BAIAP2L1: variants seen among roughly 807,000 people sequenced by gnomAD.
The protein encoded by BAIAP2L1 is BAR/IMD domain-containing adapter protein 2-like 1.
BAIAP2L1 carries 35 observed loss-of-function variants against 66.3 expected under a neutral mutation model. The observed-to-expected ratio is 0.53, with a 90% CI of 0.40 to 0.70. The LOEUF (loss-of-function observed/expected upper bound fraction) is 0.70. Ranked by LOEUF, BAIAP2L1 falls within the 30% of genes least tolerant of loss-of-function variation. BAIAP2L1 has a pLI of 0.00. For missense variants in BAIAP2L1, 622 were observed against 656.9 expected (o/e 0.95, Z 0.58); for synonymous variants, 269 against 248.7 (o/e 1.08, Z -0.77).
At chr7:98,395,599 T>C (rs988634621) in intron 1 of BAIAP2L1, among the ~76,000 whole-genome samples, 3 of 152,154 alleles carry the variant, frequency 2.0e-5, no homozygotes, top group African/African-American at 7.2e-5. Flanking sequence ...GAGCTATGTA[T>C]ACTTAAGCAC....
intron 1 of BAIAP2L1, among the ~76,000 whole-genome samples, chr7:98,382,560 G>A (rs949502573): frequency 6.6e-6 from 1 of 152,176 alleles, no homozygotes; most frequent in African/African-American, 2.4e-5. Context: ...ATTTGCCTAT[G>A]AATGGAATGG....
chr7:98,359,955 C>T (rs1053420031), intron 2 of BAIAP2L1, among the ~76,000 whole-genome samples: 37 of 150,036 alleles, frequency 2.5e-4, no homozygotes, highest in Non-Finnish European at 1.5e-4. Context: ...CCGAGTCTCA[C>T]TCTGTTGCCC....
intron 1 of BAIAP2L1, among the ~76,000 whole-genome samples, chr7:98,398,197 G>C (rs1459266521): frequency 6.6e-6 from 1 of 152,052 alleles, no homozygotes; most frequent in Non-Finnish European, 1.5e-5. Flanking sequence ...TAGATGGTTA[G>C]GTAATATAGA....
At chr7:98,398,419 T>A (rs1176417925) in intron 1 of BAIAP2L1, among the ~76,000 whole-genome samples, 2 of 151,950 alleles carry the variant, frequency 1.3e-5, no homozygotes, top group Non-Finnish European at 1.5e-5. Flanking sequence ...CTTCACTATT[T>A]CATAGATTAC....
chr7:98,383,506 C>T (rs1313617028), intron 1 of BAIAP2L1, among the ~76,000 whole-genome samples: 3 of 151,806 alleles, frequency 2.0e-5, no homozygotes, highest in South Asian at 2.1e-4. Context: ...AGGCTGGTCT[C>T]GAACTCCAGA....
intron 3 of BAIAP2L1, among the ~76,000 whole-genome samples, chr7:98,347,729 C>T (rs897795541): frequency 2.0e-5 from 3 of 151,766 alleles, no homozygotes; most frequent in East Asian, 1.9e-4. Flanking sequence ...GAGCCAAGAT[C>T]GCGCCACTGC....
At chr7:98,364,175 A>G (rs1193304342) in intron 1 of BAIAP2L1, among the ~76,000 whole-genome samples, 3 of 152,126 alleles carry the variant, frequency 2.0e-5, no homozygotes, top group Non-Finnish European at 2.9e-5. Flanking sequence ...AACTATAGTC[A>G]GTGTTCATTA....
chr7:98,386,312 A>G, intron 1 of BAIAP2L1: 1 of 1,596,260 alleles, frequency 6.3e-7, no homozygotes, highest in Non-Finnish European at 8.5e-7. Flanking sequence ...TTTTACCCTG[A>G]ACATCTTCAG....
At position 98,400,765 on chromosome 7, in the gene BAIAP2L1, A is replaced by G. The variant is rs1374309693; in HGVS notation, c.51+37T>C. 10 of 1,547,546 alleles carry G rather than the reference A, an allele frequency of 6.5e-6. No homozygotes were observed. In the South Asian group the frequency reaches 1.1e-4, roughly 17 times the overall value. On this transcript the variant is annotated intron_variant, in intron 1 of 13. Coordinates refer to ENST00000005260, the MANE Select transcript of BAIAP2L1 (RefSeq NM_018842.5). ...TCCCCTTCTGAACCCCGAGGTGGAAAGCCCTGACCTCCCTGAGCCCCGGGC... is the reference window on the plus strand; with the variant it reads ...TCCCCTTCTGAACCCCGAGGTGGAAGGCCCTGACCTCCCTGAGCCCCGGGC...
chr7:98,293,925 G>T lies in BAIAP2L1; in HGVS notation c.1460+149C>A, dbSNP rs565555378. 172 of 923,946 alleles carry T rather than the reference G, an allele frequency of 1.9e-4. No homozygotes were observed. The East Asian group carries it at 4.0e-3, about 22-fold the overall frequency. 57.2% of individuals were successfully genotyped at this position (923,946 alleles called of 1,614,324 possible). ...CGTGGTCTAAAGTAGTTGGTAAAGCGAGCAGGGGGCTGCACTCCCCCATGG... is the reference window on the plus strand; with the variant it reads ...CGTGGTCTAAAGTAGTTGGTAAAGCTAGCAGGGGGCTGCACTCCCCCATGG... On this transcript the variant is annotated intron_variant, in intron 13 of 13. Coordinates refer to ENST00000005260, the MANE Select transcript of BAIAP2L1 (RefSeq NM_018842.5).
chr7:98,304,445 G>T, intron 11 of BAIAP2L1, 69 bp from the exon 12 acceptor site: 1 of 1,516,602 alleles, frequency 6.6e-7, no homozygotes, highest in Non-Finnish European at 9.0e-7. Flanking sequence ...CATCCTCTGT[G>T]TCCCTGACCA....
Position 98,343,473 on chromosome 7 carries a change from T to A in BAIAP2L1, c.214+11569A>T, listed in dbSNP as rs545672040. ...CTCAAAATAAATAAATAAATAAAAA[T>A]AAACAGTTGGATTAAAATATGTTAC... On this transcript the variant is annotated intron_variant, in intron 3 of 13. Coordinates refer to ENST00000005260, the MANE Select transcript of BAIAP2L1 (RefSeq NM_018842.5). Among the ~76,000 whole-genome samples, 125 of 152,024 alleles carry A rather than the reference T, an allele frequency of 8.2e-4. 1 individual carries two copies. The South Asian group carries it at 0.017, about 21-fold the overall frequency.
At chr7:98,386,699 T>TTTTTG in intron 1 of BAIAP2L1, 2 of 683,188 alleles carry the variant, frequency 2.9e-6, no homozygotes, top group Non-Finnish European at 4.4e-6. Context: ...AAAGGTTTTT[T>TTTTTG]TTTTTTTTTT....
intron 1 of BAIAP2L1, among the ~76,000 whole-genome samples, chr7:98,391,201 A>G (rs866660006): frequency 6.6e-6 from 1 of 151,960 alleles, no homozygotes; most frequent in Non-Finnish European, 1.5e-5. Context: ...TGTTCTCTCA[A>G]AAGCACAAGC....
At chr7:98,309,106 C>CTT (rs1242485020) in intron 9 of BAIAP2L1, 1 of 152,094 alleles carries the variant, frequency 6.6e-6, no homozygotes, top group Non-Finnish European at 1.5e-5. Flanking sequence ...AACCTGCGCC[C>CTT]CCTTAACCTG....
intron 11 of BAIAP2L1, among the ~76,000 whole-genome samples, chr7:98,305,054 T>TTG (rs1562966160): frequency 8.4e-6 from 1 of 118,920 alleles, no homozygotes; most frequent in Non-Finnish European, 1.7e-5. Context: ...TTTGTTTTTT[T>TTG]TTTTTTTTTT....
rs1395043524 is a variant in BAIAP2L1 at position 98,308,622 on chromosome 7, AAC to A, written c.956-728_956-727del. The A allele has an allele frequency of 3.0e-5, 7 of 232,968 alleles. No individual in the cohort carries two copies. In the East Asian group the frequency reaches 5.7e-4, roughly 19 times the overall value. 14.4% of individuals were successfully genotyped at this position (232,968 alleles called of 1,614,324 possible). A position where few individuals can be genotyped will look rare whatever the true frequency, so the allele number is the denominator to read the frequency against. ...GCTGTGCTGTTCATGTCTCCATTCA[AAC>A]ACAGGCTGATATTTCCACTCCAGGG... On this transcript the variant is annotated intron_variant, in intron 9 of 13. Transcript: ENST00000005260.
chr7:98,388,382 A>ACTC (rs1361745759), intron 1 of BAIAP2L1, among the ~76,000 whole-genome samples: 2 of 152,194 alleles, frequency 1.3e-5, no homozygotes, highest in Admixed American at 6.5e-5. Context: ...AATCCCGGCT[A>ACTC]CTCGGGAGGC....
rs115789624 is a variant in BAIAP2L1, at chr7:98,314,584, G to A, written c.639+876C>T. On this transcript the variant is annotated intron_variant, in intron 7 of 13. Transcript: ENST00000005260. ...CTGGGGGTTCGAACCTCACAGCTGT[G>A]TGTGTTGGAAGGAGGGTGATGAGGT... Among the ~76,000 whole-genome samples, 901 of 152,328 alleles carry A rather than the reference G, an allele frequency of 5.9e-3. 8 individuals carry two copies. Among genetic ancestry groups the A allele is most frequent in the African/African-American group, 0.02 (838 of 41,580 alleles).
Sources: gnomAD v4.1 joint callset for allele counts (sites outside exome capture counted in the v4.1 genomes callset) on GRCh38, gnomAD v4.1.1 for gene constraint, MANE v1.5 for transcripts, NCBI Gene and HGNC (gene_info 2026-07-23, HGNC 2026-07-21) for gene names.